The following RASAL2 variants were observed in gnomAD, a reference collection of about 807,000 sequenced individuals.
The protein encoded by RASAL2 is ras GTPase-activating protein nGAP.
A neutral mutation model predicts 128.9 loss-of-function variants in RASAL2; 58 were observed. The ratio of observed to expected loss-of-function variants is 0.45; its 90% CI spans 0.36 to 0.56. RASAL2 has a LOEUF of 0.56. RASAL2 is among the 20% of genes least tolerant of loss of function. RASAL2 has a pLI of 0.00. For synonymous variants in RASAL2, 561 were observed against 580.8 expected (o/e 0.97, Z 0.49); for missense variants, 1,360 against 1,601.6 (o/e 0.85, Z 2.57).
At chr1:178,205,223 TTGAGCTCC>T (rs1662998734) in intron 1 of RASAL2, among the ~76,000 whole-genome samples, 1 of 152,032 alleles carries the variant, frequency 6.6e-6, no homozygotes, top group Admixed American at 6.5e-5. Flanking sequence ...CAGGCTGGTC[TTGAGCTCC>T]TGACCTCAGG....
In RASAL2 at chr1:178,217,636, T is replaced by TA. The variant is rs1263907608; in HGVS notation, c.203-65922dup. Reference sequence around the variant, plus strand: ...CCATATAAAAGTTGTGCATTATGTCTAAAAAATCACATACCTGAATTTAAA... The same window carrying TA: ...CCATATAAAAGTTGTGCATTATGTCTAAAAAAATCACATACCTGAATTTAAA... On this transcript the variant is annotated intron_variant, in intron 1 of 17. Coordinates refer to ENST00000367649, the MANE Select transcript of RASAL2 (RefSeq NM_170692.4). Among the ~76,000 whole-genome samples the TA allele has an allele frequency of 7.9e-5, 12 of 152,330 alleles. No individual in the cohort carries two copies. In the East Asian group the frequency reaches 1.9e-3, roughly 24 times the overall value.
intron 2 of RASAL2, among the ~76,000 whole-genome samples, chr1:178,288,931 G>A (rs1442400837): frequency 6.6e-6 from 1 of 151,914 alleles, no homozygotes; most frequent in Non-Finnish European, 1.5e-5. Flanking sequence ...GATTACAGGT[G>A]TGAGCCACTG....
intron 1 of RASAL2, among the ~76,000 whole-genome samples, chr1:178,147,279 A>G (rs1266592109): frequency 6.6e-6 from 1 of 151,986 alleles, no homozygotes; most frequent in East Asian, 1.9e-4. Flanking sequence ...GCCTGAGCTC[A>G]GGAGTTAGAG....
intron 1 of RASAL2, among the ~76,000 whole-genome samples, chr1:178,271,782 C>T (rs558553117): frequency 1.3e-5 from 2 of 152,268 alleles, no homozygotes; most frequent in South Asian, 4.1e-4. Flanking sequence ...AATCAACCTC[C>T]TTAACCTGGT....
chr1:178,254,945 G>A (rs1665250665), intron 1 of RASAL2, among the ~76,000 whole-genome samples: 1 of 151,388 alleles, frequency 6.6e-6, no homozygotes, highest in Non-Finnish European at 1.5e-5. Context: ...TTATTTACAA[G>A]GAAGCTCCAG....
intron 17 of RASAL2, among the ~76,000 whole-genome samples, chr1:178,472,746 A>C (rs567228588): frequency 1.3e-5 from 2 of 152,230 alleles, no homozygotes; most frequent in Non-Finnish European, 2.9e-5. Context: ...CACTTAGTAT[A>C]ATAAGGCAGC....
intron 2 of RASAL2, among the ~76,000 whole-genome samples, chr1:178,286,267 A>G (rs1483794933): frequency 1.3e-5 from 2 of 152,118 alleles, no homozygotes; most frequent in South Asian, 2.1e-4. Context: ...CCCTGAAGAC[A>G]CTATCTTCCA....
At chr1:178,320,476 T>G (rs1447901818) in intron 3 of RASAL2, among the ~76,000 whole-genome samples, 1 of 152,190 alleles carries the variant, frequency 6.6e-6, no homozygotes, top group Non-Finnish European at 1.5e-5. Context: ...CCGAGCCAGG[T>G]GTGGGATATA....
intron 3 of RASAL2, among the ~76,000 whole-genome samples, chr1:178,335,945 A>G (rs1463802342): frequency 6.6e-6 from 1 of 151,840 alleles, no homozygotes; most frequent in Non-Finnish European, 1.5e-5. Context: ...CAAAATGCCA[A>G]TTAAAGATAA....
intron 11 of RASAL2, 119 bp from the exon 12 acceptor site, chr1:178,454,324 TAAAC>T (rs949469980): frequency 5.2e-5 from 36 of 692,718 alleles, no homozygotes; most frequent in African/African-American, 2.0e-4. Flanking sequence ...TTATAGATAA[TAAAC>T]AAAATTAGTC....
At chr1:178,444,222 A>G (rs952854663) in intron 8 of RASAL2, among the ~76,000 whole-genome samples, 3 of 152,160 alleles carry the variant, frequency 2.0e-5, no homozygotes, top group African/African-American at 7.2e-5. Flanking sequence ...AAATGACTTA[A>G]TACTGATTTA....
chr1:178,345,464 G>A (rs1057050564), intron 3 of RASAL2, among the ~76,000 whole-genome samples: 5 of 152,052 alleles, frequency 3.3e-5, no homozygotes, highest in Admixed American at 2.6e-4. Context: ...CAAAGATTAC[G>A]GAGTACCTTT....
At chr1:178,194,246 A>G (rs1313282652) in intron 1 of RASAL2, 1 of 183,916 alleles carries the variant, frequency 5.4e-6, no homozygotes, top group Admixed American at 5.0e-5. Context: ...TGACTTAAGT[A>G]TAAATGCAGC....
intron 1 of RASAL2, among the ~76,000 whole-genome samples, chr1:178,192,730 C>G (rs1662532948): frequency 1.3e-5 from 2 of 152,098 alleles, no homozygotes; most frequent in Admixed American, 6.6e-5. Flanking sequence ...AGTTTTTGAT[C>G]TGTATCTAAG....
chr1:178,232,104 C>T (rs914856624), intron 1 of RASAL2, among the ~76,000 whole-genome samples: 2 of 152,076 alleles, frequency 1.3e-5, no homozygotes, highest in African/African-American at 4.8e-5. Context: ...CAGATGAAAT[C>T]ATTTTTAAAA....
At chr1:178,257,423 A>ATATGTGTGTGTGTGTGTG in intron 1 of RASAL2, among the ~76,000 whole-genome samples, 1 of 147,244 alleles carries the variant, frequency 6.8e-6, no homozygotes, top group South Asian at 2.2e-4. Context: ...GCTCAGGGAT[A>ATATGTGTGTGTGTGTGTG]TGTGTGTGTG....
At chr1:178,373,434 G>A (rs567857288) in intron 3 of RASAL2, among the ~76,000 whole-genome samples, 8 of 151,574 alleles carry the variant, frequency 5.3e-5, no homozygotes, top group South Asian at 4.2e-4. Context: ...TTAAGCCTTC[G>A]TTTCTCTGAA....
chr1:178,101,827 G>A (rs568656484), intron 1 of RASAL2, among the ~76,000 whole-genome samples: 1 of 152,096 alleles, frequency 6.6e-6, no homozygotes, highest in East Asian at 1.9e-4. Flanking sequence ...TAGGGAGATG[G>A]CCTCTCAAAG....
chr1:178,378,852 C>T (rs1268752931), intron 3 of RASAL2, among the ~76,000 whole-genome samples: 1 of 151,810 alleles, frequency 6.6e-6, no homozygotes, highest in African/African-American at 2.4e-5. Context: ...AAGCGTTTAA[C>T]TCAACAAGTT....
Sources: allele counts gnomAD v4.1 joint callset (sites outside exome capture counted in the v4.1 genomes callset), GRCh38; gene constraint gnomAD v4.1.1; transcripts MANE v1.5; gene names NCBI Gene and HGNC (gene_info 2026-07-23, HGNC 2026-07-21).